PDE10A: variants seen among roughly 807,000 people sequenced by gnomAD.
PDE10A encodes phosphodiesterase 10A, also known as cAMP and cAMP-inhibited cGMP 3',5'-cyclic phosphodiesterase 10A.
In PDE10A, 39 loss-of-function variants were observed where a neutral mutation model predicts 97.7. The ratio of observed to expected loss-of-function variants is 0.40; its 90% CI spans 0.31 to 0.52. The LOEUF (loss-of-function observed/expected upper bound fraction) is 0.52, where lower values mean the gene tolerates loss of function less well. PDE10A is among the 20% of genes least tolerant of loss of function. The probability of loss-of-function intolerance (pLI) is 0.56; values close to 1 mark genes in which losing one functional copy is unlikely to be tolerated. For synonymous variants in PDE10A, 371 were observed against 376.8 expected (o/e 0.98, Z 0.18); for missense variants, 731 against 1,047.8 (o/e 0.70, Z 4.17).
intron 20 of PDE10A, among the ~76,000 whole-genome samples, chr6:165,337,732 T>C (rs1326064933): frequency 6.6e-6 from 1 of 152,222 alleles, no homozygotes; most frequent in African/African-American, 2.4e-5. Flanking sequence ...AACAAACGAT[T>C]ATCTTAGTTA....
At chr6:165,943,211 GAAAGAAAGAAAGAAAGAAAGAAA>G (rs1783607968) in intron 1 of PDE10A, among the ~76,000 whole-genome samples, 6 of 75,272 alleles carry the variant, frequency 8.0e-5, no homozygotes, top group Middle Eastern at 5.2e-3. Flanking sequence ...AAGAAAGAAA[GAAAGAAAGAAAGAAAGAAAGAAA>G]GAAGGAAGGA....
chr6:165,910,331 A>C (rs1583272529), intron 1 of PDE10A, among the ~76,000 whole-genome samples: 1 of 152,222 alleles, frequency 6.6e-6, no homozygotes, highest in Non-Finnish European at 1.5e-5. Flanking sequence ...GTCTGTTTAC[A>C]TTCCAACTCC....
chr6:165,651,542 A>G (rs1789687011), intron 1 of PDE10A, among the ~76,000 whole-genome samples: 1 of 152,228 alleles, frequency 6.6e-6, no homozygotes, highest in African/African-American at 2.4e-5. Context: ...GTGGAGAGGT[A>G]GGAGAGGCAC....
At chr6:165,929,936 G>A (rs1242615434) in intron 1 of PDE10A, among the ~76,000 whole-genome samples, 1 of 152,142 alleles carries the variant, frequency 6.6e-6, no homozygotes, top group African/African-American at 2.4e-5. Flanking sequence ...TGGCAGGTGG[G>A]AAAAGAGTGC....
At chr6:165,922,274 C>T (rs1230099098) in intron 1 of PDE10A, among the ~76,000 whole-genome samples, 1 of 152,164 alleles carries the variant, frequency 6.6e-6, no homozygotes, top group East Asian at 1.9e-4. Context: ...CCCAAGACAG[C>T]AGGACTCCTG....
At chr6:165,391,490 C>T (rs551229474) in intron 16 of PDE10A, among the ~76,000 whole-genome samples, 81 of 152,190 alleles carry the variant, frequency 5.3e-4, no homozygotes, top group African/African-American at 1.8e-3. Context: ...AAATTGCTTT[C>T]TTAAAAGGAA....
chr6:165,689,639 C>G (rs990638605), intron 1 of PDE10A, among the ~76,000 whole-genome samples: 1 of 152,206 alleles, frequency 6.6e-6, no homozygotes, highest in African/African-American at 2.4e-5. Context: ...CTATGCGATG[C>G]ACCAGTCCCC....
At chr6:165,753,410 C>A (rs1793051227) in intron 1 of PDE10A, among the ~76,000 whole-genome samples, 8 of 152,194 alleles carry the variant, frequency 5.3e-5, no homozygotes, top group Admixed American at 5.2e-4. Flanking sequence ...GGACCAGGCT[C>A]CAACAAGAGG....
In PDE10A at chr6:165,724,834, C is replaced by T. The variant is rs1015475025; in HGVS notation, c.-614-181266G>A. 3.9e-5 allele frequency among the ~76,000 whole-genome samples: 6 copies of T among 152,192 alleles called. No individual in the cohort carries two copies. The South Asian group carries it at 8.3e-4, about 21-fold the overall frequency. The stretch of plus-strand genomic sequence containing the variant: ...TCCTGACCATTTATGGCAGCAGCAT[C>T]GGCTTCCAGTGCATCTTCCTCACTA... On this transcript the variant is annotated intron_variant, in intron 1 of 19. Coordinates refer to the PDE10A transcript ENST00000366882.
intron 1 of PDE10A, among the ~76,000 whole-genome samples, chr6:165,659,297 ACACT>A (rs1182130133): frequency 6.6e-6 from 1 of 152,232 alleles, no homozygotes; most frequent in Non-Finnish European, 1.5e-5. Flanking sequence ...AAAAGGAATG[ACACT>A]CAACAATTAG....
intron 1 of PDE10A, among the ~76,000 whole-genome samples, chr6:165,631,044 T>A (rs546153065): frequency 6.6e-6 from 1 of 152,368 alleles, no homozygotes; most frequent in African/African-American, 2.4e-5. Flanking sequence ...ATTGTTTTCC[T>A]GTGCAGTTGT....
chr6:165,552,073 T>A (rs1784045701), intron 1 of PDE10A, among the ~76,000 whole-genome samples: 1 of 152,152 alleles, frequency 6.6e-6, no homozygotes, highest in Admixed American at 6.5e-5. Flanking sequence ...GCAGTTTCAC[T>A]GGAGCTACCT....
At chr6:165,503,202 C>T (rs766697312) in intron 2 of PDE10A, among the ~76,000 whole-genome samples, 4 of 152,104 alleles carry the variant, frequency 2.6e-5, no homozygotes, top group Non-Finnish European at 4.4e-5. Context: ...GAGATGTTCA[C>T]GTGTCCCTCA....
intron 2 of PDE10A, among the ~76,000 whole-genome samples, chr6:165,538,406 C>G (rs912111425): frequency 6.6e-5 from 10 of 152,106 alleles, no homozygotes; most frequent in African/African-American, 2.4e-4. Context: ...TTACTGCCCA[C>G]AAAAGGTGGC....
At chr6:165,547,064 A>G (rs1405927010) in intron 1 of PDE10A, among the ~76,000 whole-genome samples, 1 of 152,144 alleles carries the variant, frequency 6.6e-6, no homozygotes, top group Non-Finnish European at 1.5e-5. Flanking sequence ...AGCTTGGAGT[A>G]GCTGATGATT....
chr6:165,693,540 A>G (rs1043985527), intron 1 of PDE10A, among the ~76,000 whole-genome samples: 3 of 151,242 alleles, frequency 2.0e-5, no homozygotes, highest in Non-Finnish European at 3.0e-5. Context: ...AAAAAAAAAA[A>G]AAAAAAAAAA....
At chr6:165,366,825 T>A (rs1204198685) in intron 18 of PDE10A, among the ~76,000 whole-genome samples, 1 of 152,174 alleles carries the variant, frequency 6.6e-6, no homozygotes, top group Admixed American at 6.5e-5. Flanking sequence ...TAAAGGAACA[T>A]ACTCATATAT....
intron 2 of PDE10A, among the ~76,000 whole-genome samples, chr6:165,528,545 G>A (rs1162954702): frequency 6.6e-6 from 1 of 152,224 alleles, no homozygotes; most frequent in African/African-American, 2.4e-5. Flanking sequence ...TCATGGAAAG[G>A]GCAGAGGTTT....
chr6:165,625,243 A>G (rs1055606430), intron 1 of PDE10A, among the ~76,000 whole-genome samples: 1 of 152,234 alleles, frequency 6.6e-6, no homozygotes, highest in Non-Finnish European at 1.5e-5. Context: ...GCTGTGTGGA[A>G]GGAGACCAGC....
Sources: allele counts gnomAD v4.1 joint callset (sites outside exome capture counted in the v4.1 genomes callset), GRCh38; gene constraint gnomAD v4.1.1; transcripts MANE v1.5; gene names NCBI Gene and HGNC (gene_info 2026-07-23, HGNC 2026-07-21).